CDKN2B-AS1: variants seen among roughly 807,000 people sequenced by gnomAD.
The protein encoded by CDKN2B-AS1 is CDKN2B antisense RNA 1 (non-protein coding).
upstream of CDKN2B-AS1, chr9:21,995,045 T>G (rs55797833): frequency 0.014 from 2,084 of 152,320 alleles, 22 homozygotes; most frequent in Middle Eastern, 0.037. The surrounding 1 kb of genome is among the most constrained non-coding windows in gnomAD (Gnocchi z 5.7). Flanking sequence ...GCTCCTCTTC[T>G]AGATTTGGAA....
At chr9:22,018,843 A>G (rs1480912721) in intron 1 of CDKN2B-AS1, among the ~76,000 whole-genome samples, 1 of 152,230 alleles carries the variant, frequency 6.6e-6, no homozygotes, top group East Asian at 1.9e-4. Context: ...CCCAATAAAT[A>G]TCATACACTA....
At chr9:22,127,313 C>G (rs111340460) in exon 5 of CDKN2B-AS1, among the ~76,000 whole-genome samples, 3,670 of 152,290 alleles carry the variant, frequency 0.024, 150 homozygotes, top group African/African-American at 0.084. Context: ...AACTCCTGAC[C>G]TTGTGATCCA....
intron 4 of CDKN2B-AS1, among the ~76,000 whole-genome samples, chr9:22,103,130 GATGTGTGT>G (rs1433849765): frequency 1.1e-5 from 1 of 88,482 alleles, no homozygotes; most frequent in Non-Finnish European, 2.3e-5. Flanking sequence ...TTCTAGAACA[GATGTGTGT>G]GTGTGTGTGT....
At chr9:22,109,897 C>T (rs1221483911) in intron 4 of CDKN2B-AS1, among the ~76,000 whole-genome samples, 2 of 152,136 alleles carry the variant, frequency 1.3e-5, no homozygotes, top group Non-Finnish European at 2.9e-5. Flanking sequence ...GACCTCCCAT[C>T]TTTCCTTCTA....
rs529874413 is a variant in CDKN2B-AS1 at position 22,001,152 on chromosome 9, T to C, written n.29+5991T>C. Among the ~76,000 whole-genome samples the C allele has an allele frequency of 1.3e-5, 2 of 152,230 alleles. No homozygotes were observed. Among genetic ancestry groups the C allele is most frequent in the African/African-American group, 4.8e-5 (2 of 41,554 alleles). On this transcript the variant is annotated intron_variant and non_coding_transcript_variant, in intron 1 of 4. Transcript: ENST00000650946. The surrounding 1 kb of genome is among the most constrained non-coding windows in gnomAD (Gnocchi z 4.2). ...GGAAGTAGCCCCAACAACATCATAA[T>C]AGAGAACATTGATAATGAGAGGATA...
intron 4 of CDKN2B-AS1, among the ~76,000 whole-genome samples, chr9:22,087,286 T>TGA (rs1824896197): frequency 6.6e-6 from 1 of 152,238 alleles, no homozygotes; most frequent in East Asian, 1.9e-4. Context: ...GGTGAAGAGT[T>TGA]GGTGCTATGG....
At chr9:22,100,454 T>C (rs1825444375) in intron 4 of CDKN2B-AS1, among the ~76,000 whole-genome samples, 1 of 152,218 alleles carries the variant, frequency 6.6e-6, no homozygotes, top group Non-Finnish European at 1.5e-5. Flanking sequence ...GATAATGTTT[T>C]CTGGTTTATA....
At chr9:21,995,021 C>G (rs1820577591), upstream of CDKN2B-AS1, 1 of 152,258 alleles carries the variant, frequency 6.6e-6, no homozygotes. This position sits in a 1 kb window ranked among gnomAD's most constrained non-coding sequence, Gnocchi z 5.7. Flanking sequence ...CAGTTTTGAA[C>G]TAAAAGCCGC....
At chr9:22,104,657 C>T (rs568904718) in intron 4 of CDKN2B-AS1, among the ~76,000 whole-genome samples, 12 of 152,312 alleles carry the variant, frequency 7.9e-5, no homozygotes, top group East Asian at 1.9e-4. Flanking sequence ...CATTCATTCA[C>T]TCATTCATTT....
chr9:22,058,396 G>T (rs936883012), intron 4 of CDKN2B-AS1: 1 of 152,154 alleles, frequency 6.6e-6, no homozygotes, highest in African/African-American at 2.4e-5. Context: ...TCCAAAGCAT[G>T]AAGGACACAC....
chr9:22,008,917 C>A, intron 1 of CDKN2B-AS1: 4 of 1,613,000 alleles, frequency 2.5e-6, no homozygotes, highest in Non-Finnish European at 3.4e-6. Flanking sequence ...TCATCGCTGC[C>A]GCCCCCACTG....
intron 3 of CDKN2B-AS1, among the ~76,000 whole-genome samples, chr9:22,055,956 G>A (rs1823544624): frequency 6.6e-6 from 1 of 151,936 alleles, no homozygotes; most frequent in Non-Finnish European, 1.5e-5. Context: ...TAGTATGGAG[G>A]AAGAAAGCAT....
intron 4 of CDKN2B-AS1, among the ~76,000 whole-genome samples, chr9:22,086,867 T>G (rs1377772358): frequency 1.3e-5 from 2 of 152,262 alleles, no homozygotes; most frequent in Admixed American, 1.3e-4. Flanking sequence ...GTATTACTTA[T>G]TTGTGATTCT....
chr9:22,075,044 T>C (rs958968494), intron 4 of CDKN2B-AS1, among the ~76,000 whole-genome samples: 2 of 152,244 alleles, frequency 1.3e-5, no homozygotes, highest in Non-Finnish European at 2.9e-5. Flanking sequence ...TTTCCATTCA[T>C]GGTAGCAATA....
chr9:22,066,984 T>G (rs1020105332), intron 4 of CDKN2B-AS1, among the ~76,000 whole-genome samples: 5 of 152,102 alleles, frequency 3.3e-5, no homozygotes, highest in African/African-American at 1.2e-4. Context: ...CAAACACTGA[T>G]GTTCTCACTC....
At chr9:21,994,842 G>C (rs1347440872), upstream of CDKN2B-AS1, 1 of 164,932 alleles carries the variant, frequency 6.1e-6, no homozygotes, top group Non-Finnish European at 1.3e-5. Flanking sequence ...GCGCTCCCGC[G>C]GATTCTGGTG....
rs576286968 is a variant in CDKN2B-AS1, at chr9:22,101,139, C to T, written n.439-25964C>T. 8.5e-5 allele frequency among the ~76,000 whole-genome samples: 13 copies of T among 152,288 alleles called. No individual in the cohort carries two copies. In the East Asian group the frequency reaches 1.5e-3, roughly 18 times the overall value. ...AAAATTCCTCTACCTTTCAGAGACA[C>T]CCTTCAACAGACTGCGCTTCTTATT... is the stretch of plus-strand genomic sequence containing the variant. On this transcript the variant is annotated intron_variant and non_coding_transcript_variant, in intron 4 of 4. Coordinates refer to ENST00000650946, the Ensembl canonical transcript of CDKN2B-AS1.
intron 3 of CDKN2B-AS1, among the ~76,000 whole-genome samples, chr9:22,050,863 G>A (rs925057512): frequency 9.2e-5 from 14 of 152,214 alleles, no homozygotes; most frequent in African/African-American, 3.1e-4. Flanking sequence ...GGGATCCAGT[G>A]TGTGACCTGC....
intron 1 of CDKN2B-AS1, chr9:22,012,562 G>T (rs1821558735): frequency 1.1e-5 from 6 of 541,682 alleles, no homozygotes; most frequent in African/African-American, 1.9e-5. Context: ...TCGGAGGGCA[G>T]CCTCCTGCCC....
Sources: allele counts gnomAD v4.1 joint callset (sites outside exome capture counted in the v4.1 genomes callset), GRCh38; gene constraint gnomAD v4.1.1; non-coding constraint Gnocchi (gnomAD v3.1); transcripts MANE v1.5; gene names NCBI Gene and HGNC (gene_info 2026-07-23, HGNC 2026-07-21).